RBFOX2: variants seen among roughly 807,000 people sequenced by gnomAD.
The protein encoded by RBFOX2 is RNA binding fox-1 homolog 2.
In RBFOX2, 10 loss-of-function variants were observed where a neutral mutation model predicts 49.1. The ratio of observed to expected loss-of-function variants is 0.20; its 90% confidence interval spans 0.13 to 0.35. The LOEUF is 0.35. Among genes scored for constraint, RBFOX2 ranks in the 10% least tolerant of loss-of-function variants. The pLI is 1.00. For missense variants in RBFOX2, 323 were observed against 486.9 expected (o/e 0.66, Z 3.17); for synonymous variants, 183 against 187.4 (o/e 0.98, Z 0.19).
chr22:36,026,138 C>T (rs560781254), intron 1 of RBFOX2, among the ~76,000 whole-genome samples: 90 of 151,922 alleles, frequency 5.9e-4, no homozygotes, highest in Middle Eastern at 3.4e-3. Flanking sequence ...TGGTGGCAGA[C>T]GCCTGTAATC....
intron 1 of RBFOX2, among the ~76,000 whole-genome samples, chr22:35,820,953 A>G (rs559376063): frequency 6.6e-6 from 1 of 152,284 alleles, no homozygotes; most frequent in East Asian, 1.9e-4. Context: ...AGCAATGACA[A>G]TCCAAAGGCA....
rs144622095 is a variant in RBFOX2, at chr22:35,909,196, G to A, written c.-34+29651C>T. On this transcript the variant is annotated intron_variant, in intron 1 of 13. Transcript: ENST00000359369. ...TATCAGGTTTGGTGCAGTGGCTCAT[G>A]CTTCTTGTTGCAGCTGCTCAAGAGG... 3.9e-3 allele frequency among the ~76,000 whole-genome samples: 599 copies of A among 152,272 alleles called. 2 individuals are homozygous for A. Among genetic ancestry groups the A allele is most frequent in the African/African-American group, 0.014 (569 of 41,542 alleles).
At chr22:35,828,160 C>CAAAAAA (rs201383680) in intron 1 of RBFOX2, among the ~76,000 whole-genome samples, 2 of 66,562 alleles carry the variant, frequency 3.0e-5, no homozygotes, top group African/African-American at 4.8e-5. Context: ...GAATCTGTCT[C>CAAAAAA]AAAAAAAAAA....
chr22:35,805,017 G>A (rs1363176380), intron 2 of RBFOX2, among the ~76,000 whole-genome samples: 2 of 152,028 alleles, frequency 1.3e-5, no homozygotes, highest in African/African-American at 2.4e-5. Context: ...GCTGGGCGCG[G>A]TGGCTCACGC....
chr22:35,959,975 GTTAT>G (rs2056020200), intron 1 of RBFOX2, among the ~76,000 whole-genome samples: 1 of 152,072 alleles, frequency 6.6e-6, no homozygotes. Flanking sequence ...ATGCTACGTA[GTTAT>G]TTAGTATTTT....
chr22:35,740,695 G>A (rs533300580), exon 12 of RBFOX2: 10 of 152,612 alleles, frequency 6.6e-5, no homozygotes, highest in Admixed American at 6.5e-4. Context: ...GTGCTTTCCA[G>A]TCTGTCCCTT....
intron 1 of RBFOX2, among the ~76,000 whole-genome samples, chr22:36,027,289 G>A (rs538530578): frequency 6.6e-6 from 1 of 152,118 alleles, no homozygotes; most frequent in African/African-American, 2.4e-5. Flanking sequence ...CTATGACTCC[G>A]AGAGAATTAG....
In RBFOX2 at chr22:35,858,466, T is replaced by A. The variant is rs993666578; in HGVS notation, c.-33-48462A>T. Among the ~76,000 whole-genome samples, 3 of 152,180 alleles carry A rather than the reference T, an allele frequency of 2.0e-5. 1 individual carries two copies. In the South Asian group the frequency reaches 6.2e-4, roughly 32 times the overall value. On this transcript the variant is annotated intron_variant, in intron 1 of 13. Coordinates refer to the RBFOX2 transcript ENST00000359369. ...CTCTATTTGTTTTTAGACATACTTATTTTATTGATTAGATGAATTCTCTAA... is the reference window on the plus strand; with the variant it reads ...CTCTATTTGTTTTTAGACATACTTAATTTATTGATTAGATGAATTCTCTAA...
chr22:35,763,086 C>T (rs1939551137), intron 6 of RBFOX2, among the ~76,000 whole-genome samples: 1 of 152,144 alleles, frequency 6.6e-6, no homozygotes, highest in Admixed American at 6.5e-5. Flanking sequence ...TTCCAACCAA[C>T]CTAAATGAGA....
At chr22:35,861,808 AGAATAT>A (rs1386156460) in intron 1 of RBFOX2, among the ~76,000 whole-genome samples, 3 of 152,230 alleles carry the variant, frequency 2.0e-5, no homozygotes, top group Non-Finnish European at 2.9e-5. Context: ...GAACATATAA[AGAATAT>A]GAATATGAAT....
At chr22:35,753,771 C>CTTTTTTTTTT (rs869178693) in intron 9 of RBFOX2, among the ~76,000 whole-genome samples, 1 of 54,470 alleles carries the variant, frequency 1.8e-5, no homozygotes, top group East Asian at 6.2e-4. Flanking sequence ...GTAGACAAGT[C>CTTTTTTTTTT]TTTTTTTTTT....
chr22:35,763,200 GAA>G (rs1939606839), intron 6 of RBFOX2, among the ~76,000 whole-genome samples: 1 of 152,094 alleles, frequency 6.6e-6, no homozygotes, highest in African/African-American at 2.4e-5. Flanking sequence ...TATTAATTTA[GAA>G]TAATATTTTA....
chr22:35,817,949 AACAC>A (rs71322983), intron 1 of RBFOX2, among the ~76,000 whole-genome samples: 8,004 of 142,710 alleles, frequency 0.056, 687 homozygotes, highest in African/African-American at 0.18. Context: ...ATCACTTGTC[AACAC>A]ACACACACAC....
chr22:35,884,111 C>T (rs987058590), intron 1 of RBFOX2, among the ~76,000 whole-genome samples: 1 of 151,082 alleles, frequency 6.6e-6, no homozygotes, highest in African/African-American at 2.4e-5. Context: ...GATCCTCCCA[C>T]CTCAGCCTCC....
At chr22:35,877,820 C>T (rs1018269366) in intron 1 of RBFOX2, among the ~76,000 whole-genome samples, 9 of 151,948 alleles carry the variant, frequency 5.9e-5, no homozygotes, top group African/African-American at 1.9e-4. Context: ...TAGAGTTCTA[C>T]CACTATAAAT....
Position 35,759,875 on chromosome 22 carries a change from A to C in RBFOX2, c.887+13T>G. ...ATTTTAGAAACATACTGATTTTGGA[A>C]TCTAACGCTTACCCTGGATAGGCGG... On this transcript the variant is annotated intron_variant, in intron 9 of 11. Transcript: ENST00000405409. The surrounding 1 kb of genome is among the most constrained non-coding windows in gnomAD (Gnocchi z 4.6). The C allele has an allele frequency of 6.2e-7, 1 of 1,613,276 alleles. No homozygotes were observed. The highest frequency in any genetic ancestry group is 8.5e-7 in the Non-Finnish European group (1 of 1,179,746).
intron 1 of RBFOX2, among the ~76,000 whole-genome samples, chr22:35,859,879 A>G (rs950753104): frequency 2.6e-5 from 4 of 152,098 alleles, no homozygotes; most frequent in African/African-American, 4.8e-5. Flanking sequence ...TATTCACTTT[A>G]AATTTACAAG....
At chr22:35,835,311 G>C (rs1603365497) in intron 1 of RBFOX2, among the ~76,000 whole-genome samples, 1 of 152,152 alleles carries the variant, frequency 6.6e-6, no homozygotes, top group Non-Finnish European at 1.5e-5. Context: ...GTAAGGGGGG[G>C]CTGTATCACC....
At chr22:35,939,254 C>T (rs1464606544), upstream of RBFOX2, 1 of 491,760 alleles carries the variant, frequency 2.0e-6, no homozygotes, top group Non-Finnish European at 4.0e-6. Context: ...CCAACTCACA[C>T]TAAGCCGTTA....
Sources: gnomAD v4.1 joint callset for allele counts (sites outside exome capture counted in the v4.1 genomes callset) on GRCh38, gnomAD v4.1.1 for gene constraint, Gnocchi (gnomAD v3.1) non-coding constraint, MANE v1.5 for transcripts, NCBI Gene and HGNC (gene_info 2026-07-23, HGNC 2026-07-21) for gene names.